CD38: variants seen among roughly 807,000 people sequenced by gnomAD.
The protein encoded by CD38 is CD38 molecule.
CD38 carries 31 observed loss-of-function variants against 36.3 expected under a neutral mutation model. The ratio of observed to expected loss-of-function variants is 0.85; its 90% CI spans 0.64 to 1.15. The LOEUF (loss-of-function observed/expected upper bound fraction) is 1.15, where lower values mean the gene tolerates loss of function less well. Ranked by LOEUF, CD38 falls within the 50% of genes most tolerant of loss-of-function variation. The pLI is 0.00. For synonymous variants in CD38, 131 were observed against 135.2 expected (o/e 0.97, Z 0.22); for missense variants, 380 against 371.9 (o/e 1.02, Z -0.18).
intron 5 of CD38, among the ~76,000 whole-genome samples, chr4:15,839,415 CTTTTTTTTTTTTTTT>C (rs560134404): frequency 3.4e-5 from 3 of 88,072 alleles, no homozygotes; most frequent in Admixed American, 1.2e-4. Context: ...TTCTACATTT[CTTTTTTTTTTTTTTT>C]TTTTTTTTTT....
chr4:15,793,069 T>C (rs1723038704), intron 1 of CD38, among the ~76,000 whole-genome samples: 1 of 152,188 alleles, frequency 6.6e-6, no homozygotes, highest in Non-Finnish European at 1.5e-5. Flanking sequence ...TCCTCCTCTA[T>C]TCCCTTTATT....
chr4:15,790,233 G>A (rs1722936030), intron 1 of CD38, among the ~76,000 whole-genome samples: 1 of 148,492 alleles, frequency 6.7e-6, no homozygotes, highest in African/African-American at 2.4e-5. Flanking sequence ...CTGATGCCGA[G>A]CCAAAGCTGG....
At chr4:15,785,568 T>C (rs1418582478) in intron 1 of CD38, among the ~76,000 whole-genome samples, 1 of 151,508 alleles carries the variant, frequency 6.6e-6, no homozygotes, top group Admixed American at 6.6e-5. Context: ...TAAACACTCA[T>C]GGCTTCTCTG....
intron 3 of CD38, among the ~76,000 whole-genome samples, chr4:15,830,457 G>T (rs1723937701): frequency 6.6e-6 from 1 of 152,098 alleles, no homozygotes; most frequent in Admixed American, 6.6e-5. Flanking sequence ...CTTTCCTATA[G>T]AGTTGTTTGA....
intron 3 of CD38, among the ~76,000 whole-genome samples, chr4:15,827,799 T>C (rs1723881639): frequency 6.6e-6 from 1 of 152,172 alleles, no homozygotes; most frequent in Non-Finnish European, 1.5e-5. Flanking sequence ...TATGTATATG[T>C]AGTTTTATTT....
chr4:15,839,484 C>T (rs1724154047), intron 5 of CD38, among the ~76,000 whole-genome samples: 2 of 132,430 alleles, frequency 1.5e-5, no homozygotes, highest in Admixed American at 1.8e-4. Flanking sequence ...AGTGCAGTGA[C>T]ACGGTCTCCG....
At chr4:15,843,265 TAAAG>T (rs1387743053) in intron 7 of CD38, among the ~76,000 whole-genome samples, 52 of 58,224 alleles carry the variant, frequency 8.9e-4, no homozygotes, top group Non-Finnish European at 1.1e-3. Context: ...TCAACATTCT[TAAAG>T]AAAAGAATTT....
chr4:15,782,911 A>G (rs1722729504), intron 1 of CD38, among the ~76,000 whole-genome samples: 1 of 152,156 alleles, frequency 6.6e-6, no homozygotes, highest in African/African-American at 2.4e-5. Context: ...GTGCCACAGT[A>G]TAGTAGTAAG....
chr4:15,794,374 G>C (rs1259892979), intron 1 of CD38, among the ~76,000 whole-genome samples: 1 of 152,188 alleles, frequency 6.6e-6, no homozygotes, highest in African/African-American at 2.4e-5. Context: ...TTTTAGTGGA[G>C]ATGTTGACCA....
chr4:15,780,538 A>ACACACACACACACACACGCG (rs1560303850), intron 1 of CD38, among the ~76,000 whole-genome samples: 2 of 150,826 alleles, frequency 1.3e-5, no homozygotes, highest in African/African-American at 4.9e-5. Flanking sequence ...ACACACACAC[A>ACACACACACACACACACGCG]CACACACACA....
At chr4:15,823,429 C>T (rs971201150) in intron 2 of CD38, among the ~76,000 whole-genome samples, 8 of 152,046 alleles carry the variant, frequency 5.3e-5, no homozygotes, top group Non-Finnish European at 1.0e-4. Context: ...ATCCCTCTGA[C>T]AAAGGTCTAA....
intron 1 of CD38, among the ~76,000 whole-genome samples, chr4:15,799,712 A>G (rs754818762): frequency 5.3e-5 from 8 of 152,350 alleles, no homozygotes; most frequent in East Asian, 1.9e-4. Flanking sequence ...AAGTTATTGT[A>G]TGGACATACT....
chr4:15,787,559 C>T (rs948504615), intron 1 of CD38, among the ~76,000 whole-genome samples: 5 of 152,170 alleles, frequency 3.3e-5, no homozygotes, highest in African/African-American at 1.2e-4. Context: ...GGTCACTGGC[C>T]TCCTTTTAGG....
intron 1 of CD38, among the ~76,000 whole-genome samples, chr4:15,803,481 T>C (rs1013133204): frequency 6.6e-6 from 1 of 152,256 alleles, no homozygotes; most frequent in South Asian, 2.1e-4. Flanking sequence ...CAGACGTTTC[T>C]CAAAAGAAGA....
intron 1 of CD38, among the ~76,000 whole-genome samples, chr4:15,792,175 T>C (rs1368627883): frequency 4.6e-5 from 4 of 86,864 alleles, no homozygotes; most frequent in Non-Finnish European, 8.4e-5. Flanking sequence ...CAGGGTTAAA[T>C]GGATTAAGGG....
chr4:15,830,686 A>G (rs1173203377), intron 3 of CD38, among the ~76,000 whole-genome samples: 1 of 151,976 alleles, frequency 6.6e-6, no homozygotes, highest in Non-Finnish European at 1.5e-5. Flanking sequence ...TGTCATGGAG[A>G]GTTTCCCCAG....
In CD38 at chr4:15,824,790, CT is replaced by C. The variant is rs1723812636; in HGVS notation, c.364-90del. 22 of 990,604 alleles carry C rather than the reference CT, an allele frequency of 2.2e-5. No individual in the cohort carries two copies. In the South Asian group the frequency reaches 3.3e-4, roughly 15 times the overall value. 61.4% of individuals were successfully genotyped at this position (990,604 alleles called of 1,614,324 possible). ...TATGGGTGATTTACTTTGATATGCT[CT>C]GTTTTTTTTTTCATTTACAAAACTG... On this transcript the variant is annotated intron_variant, in intron 2 of 7. Transcript: ENST00000226279.
At chr4:15,785,993 G>C (rs181115950) in intron 1 of CD38, among the ~76,000 whole-genome samples, 2 of 152,094 alleles carry the variant, frequency 1.3e-5, no homozygotes, top group African/African-American at 4.8e-5. Flanking sequence ...AAGGCAGCGC[G>C]TCTGGAGTTG....
chr4:15,806,550 T>C (rs931725428), intron 1 of CD38, among the ~76,000 whole-genome samples: 1 of 152,162 alleles, frequency 6.6e-6, no homozygotes, highest in Admixed American at 6.6e-5. Context: ...TGGTGAATGC[T>C]CTTTGGTGAT....
Sources: gnomAD v4.1 joint callset for allele counts (sites outside exome capture counted in the v4.1 genomes callset) on GRCh38, gnomAD v4.1.1 for gene constraint, MANE v1.5 for transcripts, NCBI Gene and HGNC (gene_info 2026-07-23, HGNC 2026-07-21) for gene names.